The following COL4A4 variants were observed in gnomAD, a reference collection of about 807,000 sequenced individuals.
COL4A4 encodes collagen alpha-4(IV) chain.
A neutral mutation model predicts 192.9 loss-of-function variants in COL4A4; 105 were observed. That is an observed-to-expected ratio of 0.54 (90% CI 0.46 to 0.64). The LOEUF is 0.64. COL4A4 is among the 30% of genes least tolerant of loss of function. The pLI is 0.00. For missense variants in COL4A4, 1,967 were observed against 2,169.3 expected, an observed-to-expected ratio of 0.91 and a Z score of 1.85; for synonymous variants, 762 against 769.9, an observed-to-expected ratio of 0.99 and a Z score of 0.17.
rs868469771 is a variant in COL4A4, at chr2:227,065,613, G to A, written c.1988-3015C>T. On this transcript the variant is annotated intron_variant, in intron 25 of 47. Coordinates refer to ENST00000396625, the MANE Select transcript of COL4A4 (RefSeq NM_000092.5). ...CTAACTGGGAGGCACCCCCCAGCAG[G>A]GGCAGACTGACACCTCACAGGGCCC... Among the ~76,000 whole-genome samples, 3 of 152,146 alleles carry A rather than the reference G, an allele frequency of 2.0e-5. No individual in the cohort carries two copies. In the South Asian group the frequency reaches 6.2e-4, roughly 32 times the overall value.
intron 44 of COL4A4, among the ~76,000 whole-genome samples, 184 bp from the exon 45 acceptor site, chr2:227,012,481 T>C (rs1327979258): frequency 1.3e-5 from 2 of 152,268 alleles, no homozygotes; most frequent in East Asian, 1.9e-4. Flanking sequence ...CCACTTGCAG[T>C]TGGCGTAACT....
intron 37 of COL4A4, among the ~76,000 whole-genome samples, chr2:227,041,113 T>G (rs1228930683): frequency 6.6e-6 from 1 of 152,154 alleles, no homozygotes; most frequent in African/African-American, 2.4e-5. Context: ...AGCACCTTAT[T>G]GTTTTCTCTT....
At chr2:226,987,348 A>C in the COL4A4 span, among the ~76,000 whole-genome samples, 1 of 152,212 alleles carries the variant, frequency 6.6e-6, no homozygotes. Flanking sequence ...ATAAAAAAAA[A>C]AAATTGGGAT....
intron 31 of COL4A4, among the ~76,000 whole-genome samples, chr2:227,053,069 C>T (rs1455615063): frequency 1.3e-5 from 2 of 151,188 alleles, no homozygotes; most frequent in Non-Finnish European, 2.9e-5. Context: ...TCAGCAAACA[C>T]TATAAACCAC....
chr2:226,982,797 G>T, the COL4A4 span, among the ~76,000 whole-genome samples: 2 of 152,160 alleles, frequency 1.3e-5, no homozygotes, highest in African/African-American at 4.8e-5. Context: ...CACCCACTAT[G>T]TACCAGGCAC....
rs2061218720 is a variant in COL4A4, at chr2:227,111,691, A to G, written c.581T>C (p.Leu194Pro). The G allele has an allele frequency of 6.2e-7, 1 of 1,614,074 alleles. No individual in the cohort carries two copies. The highest frequency in any genetic ancestry group is 1.3e-5 in the African/African-American group (1 of 74,948). ...CAGGAGACTTACTGGTAAGCCAGGC[A>G]GTCCTGGGTCCCCTCTGTCTCCCTG... Reference protein sequence around the residue: ...GIQGDRGDPGLPGLPGSWGAG... With the variant: ...GIQGDRGDPGPPGLPGSWGAG... The change falls in exon 9 of 48, where the codon CTG becomes CCG. Residue 194 changes from leucine to proline, a missense_variant. Transcript: ENST00000396625.
In COL4A4 at chr2:227,144,165, GA is replaced by G. The variant is rs201061874; in HGVS notation, c.114+350del. ...AGCAGAAGAAAGATAGCTTATTACA[GA>G]ATGTTCTGGGCTTATTTTTCTTCTG... On this transcript the variant is annotated intron_variant, in intron 3 of 47. Transcript: ENST00000396625. Among the ~76,000 whole-genome samples, 1,292 of 152,288 alleles carry G rather than the reference GA, an allele frequency of 8.5e-3. 9 individuals carry two copies. Among genetic ancestry groups the G allele is most frequent in the Non-Finnish European group, 0.013 (900 of 68,026 alleles).
At chr2:226,988,932 G>A in the COL4A4 span, among the ~76,000 whole-genome samples, 1 of 152,222 alleles carries the variant, frequency 6.6e-6, no homozygotes, top group Non-Finnish European at 1.5e-5. Context: ...TATTTGCAGT[G>A]AGCCTTATTT....
rs57119611 is a variant in COL4A4 at position 227,020,880 on chromosome 2, C to CTTTTTTTTTTTTTTTTT, written c.4216+1167_4216+1168insAAAAAAAAAAAAAAAAA. Among the ~76,000 whole-genome samples the CTTTTTTTTTTTTTTTTT allele has an allele frequency of 3.5e-4, 45 of 127,564 alleles. 1 individual carries two copies. The highest frequency in any genetic ancestry group is 5.7e-4 in the African/African-American group (18 of 31,618). 83.7% of individuals were successfully genotyped at this position (127,564 alleles called of 152,430 possible). ...CAAACCATTCGGAGAACACTTTTTT[C>CTTTTTTTTTTTTTTTTT]TTTTTTTTTTTTTTTTGAGATGGAG... On this transcript the variant is annotated intron_variant, in intron 44 of 47. Transcript: ENST00000396625.
chr2:227,035,165 C>T (rs961315960), intron 37 of COL4A4, among the ~76,000 whole-genome samples: 3 of 151,682 alleles, frequency 2.0e-5, no homozygotes, highest in African/African-American at 4.8e-5. Flanking sequence ...AAGACTAGGT[C>T]CTATGGATGT....
intron 4 of COL4A4, among the ~76,000 whole-genome samples, chr2:227,121,737 A>ATATGTATGTATGTGTGCAG (rs951871084): frequency 2.6e-5 from 4 of 152,310 alleles, no homozygotes; most frequent in African/African-American, 9.6e-5. Context: ...GCACATGTGT[A>ATATGTATGTATGTGTGCAG]TATGTATGTA....
At chr2:227,046,619 G>A (rs1163930243) in intron 35 of COL4A4, among the ~76,000 whole-genome samples, 2 of 152,060 alleles carry the variant, frequency 1.3e-5, no homozygotes, top group African/African-American at 4.8e-5. Context: ...GGTCCAGAAA[G>A]GGAGTACCAA....
Position 227,054,674 on chromosome 2 carries a change from C to T in COL4A4, c.2780G>A (p.Gly927Glu). Reference sequence around the variant, plus strand: ...AGGTTCTCCCTTTGCGCCAGGACATCCCTCTGCACCAGGCTTTCCTCTTTC... The same window carrying T: ...AGGTTCTCCCTTTGCGCCAGGACATTCCTCTGCACCAGGCTTTCCTCTTTC... ...PGERGKPGAE[G>E]CPGAKGEPGE... The change falls in exon 31 of 48, where the codon GGA becomes GAA. Residue 927 changes from glycine (G) to glutamate (E), a missense_variant. Transcript: ENST00000396625. 3 of 1,614,254 alleles carry T rather than the reference C, an allele frequency of 1.9e-6. No individual in the cohort carries two copies. In the South Asian group the frequency reaches 3.3e-5, roughly 18 times the overall value.
intron 2 of COL4A4, among the ~76,000 whole-genome samples, chr2:227,146,044 G>A (rs542393968): frequency 5.9e-5 from 9 of 152,296 alleles, no homozygotes; most frequent in Non-Finnish European, 1.2e-4. Context: ...GCATTTTATA[G>A]CAATTGTCGC....
In COL4A4 at chr2:227,005,861, T is replaced by A. The variant is rs573508041; in HGVS notation, c.*1464A>T. On this transcript the variant is annotated 3_prime_UTR_variant, in exon 48 of 48. Transcript: ENST00000396625. ...ATGAGGAAGGTGAGTTTCCTAAAAA[T>A]TTTTTCCAACAAATCTTTTAAATTT... The A allele has an allele frequency of 3.3e-4, 50 of 152,310 alleles. No homozygotes were observed. The Middle Eastern group carries it at 0.014, about 41-fold the overall frequency. The allele number at this position is 152,310 out of a possible 1,614,324, so 9.4% of individuals were successfully genotyped here.
intron 37 of COL4A4, among the ~76,000 whole-genome samples, chr2:227,039,067 CT>C (rs1386757816): frequency 1.3e-5 from 2 of 152,156 alleles, no homozygotes; most frequent in Non-Finnish European, 2.9e-5. Flanking sequence ...CTCACCTTCT[CT>C]TTTTAACACA....
chr2:227,010,594 C>T (rs1199215874), intron 45 of COL4A4, 93 bp from the exon 46 acceptor site: 3 of 1,082,770 alleles, frequency 2.8e-6, no homozygotes, highest in Admixed American at 2.9e-5. Flanking sequence ...GTGCTAAGCA[C>T]TCAGGGAGCA....
At chr2:227,129,207 A>G (rs967997173) in intron 4 of COL4A4, among the ~76,000 whole-genome samples, 6 of 152,130 alleles carry the variant, frequency 3.9e-5, no homozygotes, top group African/African-American at 1.4e-4. Flanking sequence ...AAGACATGAG[A>G]CAAAGGACCT....
chr2:227,041,860 A>AAGAGAGAGAG (rs1384697280), intron 37 of COL4A4, among the ~76,000 whole-genome samples: 3 of 92,284 alleles, frequency 3.3e-5, no homozygotes, highest in African/African-American at 1.6e-4. Flanking sequence ...GAAAGAAAGA[A>AAGAGAGAGAG]AGAAAGAAAG....
Sources: gnomAD v4.1 joint callset for allele counts (sites outside exome capture counted in the v4.1 genomes callset) on GRCh38, gnomAD v4.1.1 for gene constraint, MANE v1.5 for transcripts, NCBI Gene and HGNC (gene_info 2026-07-23, HGNC 2026-07-21) for gene names.